SHLD1: variants seen among roughly 807,000 people sequenced by gnomAD.
SHLD1 encodes the protein shieldin complex subunit 1.
SHLD1 carries 3 observed loss-of-function variants against 5.5 expected under a neutral mutation model. That is an observed-to-expected ratio of 0.54 (90% CI 0.25 to 1.40). The LOEUF is 1.40. Ranked by LOEUF, SHLD1 falls within the 40% of genes most tolerant of loss-of-function variation. The probability of loss-of-function intolerance (pLI) is 0.15; values close to 1 mark genes in which losing one functional copy is unlikely to be tolerated. For synonymous variants in SHLD1, 92 were observed against 94.3 expected (o/e 0.98, Z 0.14); for missense variants, 210 against 244.4 (o/e 0.86, Z 0.94).
intron 2 of SHLD1, among the ~76,000 whole-genome samples, chr20:5,807,385 C>G (rs1487174045): frequency 1.4e-5 from 2 of 147,978 alleles, no homozygotes; most frequent in Non-Finnish European, 3.0e-5. Context: ...TCCTCTTTCT[C>G]TTTTTTCCTT....
intron 2 of SHLD1, among the ~76,000 whole-genome samples, chr20:5,774,546 G>A (rs1985338933): frequency 6.6e-6 from 1 of 152,156 alleles, no homozygotes; most frequent in African/African-American, 2.4e-5. Context: ...AGTTCTGCAG[G>A]CTGTACGGGA....
chr20:5,765,922 A>G (rs944954060), intron 1 of SHLD1, among the ~76,000 whole-genome samples: 1 of 151,838 alleles, frequency 6.6e-6, no homozygotes, highest in Admixed American at 6.6e-5. Context: ...CCCAGCTGAC[A>G]TGTCTTCTTT....
At chr20:5,778,982 C>T (rs1985565644) in intron 2 of SHLD1, among the ~76,000 whole-genome samples, 3 of 151,940 alleles carry the variant, frequency 2.0e-5, no homozygotes, top group African/African-American at 4.8e-5. Flanking sequence ...GCAGGTGTAT[C>T]GCTTGAGGCC....
chr20:5,773,402 T>G (rs1985280726), intron 2 of SHLD1: 1 of 548,410 alleles, frequency 1.8e-6, no homozygotes, highest in African/African-American at 1.9e-5. Flanking sequence ...AATAGCAATG[T>G]GGGCCTGTTA....
At chr20:5,794,210 G>C (rs6053706) in intron 2 of SHLD1, among the ~76,000 whole-genome samples, 140,409 of 152,266 alleles carry the variant, frequency 0.92, 64,844 homozygotes, top group East Asian at 1. Flanking sequence ...ATAAGATGAG[G>C]ACAATAACAC....
chr20:5,857,637 C>T (rs2088106102), intron 2 of SHLD1, among the ~76,000 whole-genome samples: 1 of 151,820 alleles, frequency 6.6e-6, no homozygotes, highest in African/African-American at 2.4e-5. Context: ...GGTGAAACCC[C>T]GTCTCTACAA....
intron 2 of SHLD1, among the ~76,000 whole-genome samples, chr20:5,788,291 CAGT>C: frequency 6.9e-6 from 1 of 143,952 alleles, no homozygotes; most frequent in South Asian, 2.2e-4. Context: ...CTAGTATATT[CAGT>C]AGTTGTTGTT....
chr20:5,812,872 T>C (rs1170421132), intron 2 of SHLD1, among the ~76,000 whole-genome samples: 4 of 151,922 alleles, frequency 2.6e-5, no homozygotes, highest in Admixed American at 1.3e-4. Flanking sequence ...GGCTTTTTAT[T>C]TTTATTTTTA....
intron 2 of SHLD1, among the ~76,000 whole-genome samples, chr20:5,802,603 GTCTTT>G (rs377471006): frequency 2.6e-5 from 4 of 152,150 alleles, no homozygotes; most frequent in Admixed American, 6.6e-5. Flanking sequence ...CTATATCCAT[GTCTTT>G]TCTTTTCTTC....
chr20:5,786,087 C>G (rs559999082), intron 2 of SHLD1, among the ~76,000 whole-genome samples: 59 of 152,246 alleles, frequency 3.9e-4, no homozygotes, highest in African/African-American at 1.4e-3. Context: ...GCCTCAGAAG[C>G]AAAAGTTTTC....
In SHLD1 at chr20:5,806,873, G is replaced by A. The variant is rs923015873; in HGVS notation, c.178+33830G>A. On this transcript the variant is annotated intron_variant, in intron 2 of 2. Coordinates refer to ENST00000303142, the MANE Select transcript of SHLD1 (RefSeq NM_152504.4). This position sits in a 1 kb window ranked among gnomAD's most constrained non-coding sequence, Gnocchi z 7.6. ...CTGTCACCACCCTCTCCACTAGAAT[G>A]CCATGTATTATGTATTTCCACTGAA... 6.6e-6 allele frequency among the ~76,000 whole-genome samples: 1 copy of A among 152,246 alleles called. No individual in the cohort carries two copies. Among genetic ancestry groups the A allele is most frequent in the African/African-American group, 2.4e-5 (1 of 41,464 alleles).
chr20:5,808,176 A>G (rs1374623389), intron 2 of SHLD1, among the ~76,000 whole-genome samples: 7 of 151,936 alleles, frequency 4.6e-5, no homozygotes, highest in Admixed American at 3.3e-4. Flanking sequence ...GCCACTCGAG[A>G]GGCTGAGGCA....
intron 2 of SHLD1, among the ~76,000 whole-genome samples, chr20:5,829,505 T>C (rs749904536): frequency 1.3e-5 from 2 of 152,220 alleles, no homozygotes; most frequent in African/African-American, 2.4e-5. Flanking sequence ...ACTGTCTAAA[T>C]AGGATTGTCT....
chr20:5,820,281 A>T (rs928593423), intron 2 of SHLD1, among the ~76,000 whole-genome samples: 1 of 152,244 alleles, frequency 6.6e-6, no homozygotes, highest in African/African-American at 2.4e-5. Context: ...TGTCACATTC[A>T]GCTTCATGTC....
At chr20:5,820,674 A>C (rs2087596121) in intron 2 of SHLD1, among the ~76,000 whole-genome samples, 2 of 152,254 alleles carry the variant, frequency 1.3e-5, no homozygotes, top group African/African-American at 4.8e-5. Flanking sequence ...GAAGAAGGGA[A>C]AATATTATTT....
intron 2 of SHLD1, among the ~76,000 whole-genome samples, chr20:5,798,629 T>G (rs1174851711): frequency 1.4e-5 from 2 of 147,730 alleles, no homozygotes; most frequent in African/African-American, 5.0e-5. Flanking sequence ...TTTTTTTTTT[T>G]TTTTTTGAGA....
At chr20:5,764,413 A>G (rs480458) in intron 1 of SHLD1, among the ~76,000 whole-genome samples, 116,963 of 149,780 alleles carry the variant, frequency 0.78, 46,039 homozygotes, top group African/African-American at 0.87. Context: ...GTAAAGGCCA[A>G]GTGAGGTGGC....
At chr20:5,759,182 T>C (rs1243203397) in intron 1 of SHLD1, among the ~76,000 whole-genome samples, 9 of 151,922 alleles carry the variant, frequency 5.9e-5, no homozygotes, top group African/African-American at 1.9e-4. Context: ...CTCAAACTCC[T>C]GACCTCGTGA....
chr20:5,861,354 G>A (rs1187047994), intron 2 of SHLD1, among the ~76,000 whole-genome samples: 2 of 152,212 alleles, frequency 1.3e-5, no homozygotes, highest in Admixed American at 6.5e-5. Flanking sequence ...GTTGTTTAAT[G>A]TCTGTAACGA....
Sources: allele counts gnomAD v4.1 joint callset (sites outside exome capture counted in the v4.1 genomes callset), GRCh38; gene constraint gnomAD v4.1.1; non-coding constraint Gnocchi (gnomAD v3.1); transcripts MANE v1.5; gene names NCBI Gene and HGNC (gene_info 2026-07-23, HGNC 2026-07-21).